The following PRKN variants were observed in gnomAD, a reference collection of about 807,000 sequenced individuals.
PRKN encodes the protein parkin RBR E3 ubiquitin protein ligase.
In PRKN, 56 loss-of-function variants were observed where a neutral mutation model predicts 59.5. That is an observed-to-expected ratio of 0.94 (90% confidence interval 0.76 to 1.18). The LOEUF is 1.18. Among genes scored for constraint, PRKN ranks in the 50% most tolerant of loss-of-function variants. The pLI is 0.00. For synonymous variants in PRKN, 250 were observed against 222.1 expected (o/e 1.13, Z -1.12); for missense variants, 657 against 596.4 (o/e 1.10, Z -1.06).
At chr6:161,479,316 G>A (rs963998233) in intron 9 of PRKN, among the ~76,000 whole-genome samples, 16 of 152,142 alleles carry the variant, frequency 1.1e-4, no homozygotes, top group Non-Finnish European at 1.9e-4. Flanking sequence ...AGTTTAAAAA[G>A]TTTCAAGTGT....
At chr6:162,475,987 G>T (rs62428770) in intron 1 of PRKN, among the ~76,000 whole-genome samples, 81,656 of 149,768 alleles carry the variant, frequency 0.55, 22,633 homozygotes, top group African/African-American at 0.67. Flanking sequence ...CACCTCGTGA[G>T]CCGCCTGCCT....
chr6:161,703,390 C>T (rs1420595429), intron 7 of PRKN, among the ~76,000 whole-genome samples: 1 of 152,182 alleles, frequency 6.6e-6, no homozygotes, highest in African/African-American at 2.4e-5. Context: ...CAATCAACAT[C>T]ACTAGTCATT....
chr6:161,982,310 G>A lies in PRKN; in HGVS notation c.619-8893C>T, dbSNP rs545046843. Among the ~76,000 whole-genome samples the A allele has an allele frequency of 5.0e-4, 63 of 125,184 alleles. 5 individuals carry two copies. Among genetic ancestry groups the A allele is most frequent in the African/African-American group, 2.1e-3 (63 of 30,470 alleles). The allele number at this position is 125,184 out of a possible 152,430, so 82.1% of individuals were successfully genotyped here. A position where few individuals can be genotyped will look rare whatever the true frequency, so the allele number is the denominator to read the frequency against. On this transcript the variant is annotated intron_variant, in intron 5 of 11. Coordinates refer to ENST00000366898, the MANE Select transcript of PRKN (RefSeq NM_004562.3). The stretch of plus-strand genomic sequence containing the variant: ...CTCATGGGTAGGAAGAATCAATATC[G>A]TGAAAATGGCCATACTGCCCAAGGT...
chr6:162,541,527 TA>T (rs1778925421), intron 1 of PRKN, among the ~76,000 whole-genome samples: 1 of 152,164 alleles, frequency 6.6e-6, no homozygotes, highest in African/African-American at 2.4e-5. Flanking sequence ...AGGTGACTGT[TA>T]AAATGAAAAT....
intron 3 of PRKN, among the ~76,000 whole-genome samples, chr6:162,238,058 G>A (rs1447377582): frequency 6.6e-6 from 1 of 152,178 alleles, no homozygotes; most frequent in Non-Finnish European, 1.5e-5. Flanking sequence ...TGAATGAGTT[G>A]TTAATAATTA....
In PRKN at chr6:162,076,043, A is replaced by C. The variant is rs547662000; in HGVS notation, c.535-21869T>G. On this transcript the variant is annotated intron_variant, in intron 4 of 11. Coordinates refer to ENST00000366898, the MANE Select transcript of PRKN (RefSeq NM_004562.3). ...GAGAACAGTGGCATGACCTCGGCTT[A>C]CTGCAACCTTCATCTCCTGGCTTCA... Among the ~76,000 whole-genome samples, 176 of 145,790 alleles carry C rather than the reference A, an allele frequency of 1.2e-3. 2 individuals are homozygous for C. The highest frequency in any genetic ancestry group is 4.5e-3 in the African/African-American group (173 of 38,568).
intron 5 of PRKN, among the ~76,000 whole-genome samples, chr6:162,050,890 C>G (rs149732071): frequency 6.6e-6 from 1 of 152,194 alleles, no homozygotes; most frequent in Admixed American, 6.5e-5. Flanking sequence ...AGCAAGGACT[C>G]GAATCCAGCC....
At chr6:161,965,082 C>G (rs763167966) in intron 6 of PRKN, among the ~76,000 whole-genome samples, 1 of 152,064 alleles carries the variant, frequency 6.6e-6, no homozygotes, top group South Asian at 2.1e-4. Flanking sequence ...AAAATCCAGT[C>G]AAATTATCTT....
chr6:162,372,074 C>T (rs770388036), intron 2 of PRKN, among the ~76,000 whole-genome samples: 11 of 152,186 alleles, frequency 7.2e-5, no homozygotes, highest in East Asian at 1.9e-4. Context: ...GGAGTGGACG[C>T]CATCCTTCTG....
intron 7 of PRKN, among the ~76,000 whole-genome samples, chr6:161,749,103 G>T (rs1046045295): frequency 1.3e-5 from 2 of 152,128 alleles, no homozygotes; most frequent in Non-Finnish European, 2.9e-5. Flanking sequence ...ATTCAGGGCC[G>T]GGAGGCGGGC....
chr6:162,059,488 T>C (rs1025104421), intron 4 of PRKN, among the ~76,000 whole-genome samples: 16 of 152,306 alleles, frequency 1.1e-4, no homozygotes, highest in South Asian at 4.1e-4. Flanking sequence ...TGCCTAATCA[T>C]TGAACACAGT....
intron 7 of PRKN, among the ~76,000 whole-genome samples, chr6:161,772,245 G>A (rs1417939736): frequency 6.6e-6 from 1 of 152,020 alleles, no homozygotes; most frequent in Non-Finnish European, 1.5e-5. Context: ...CACTTAAATT[G>A]TTCTTGACCC....
At chr6:162,075,491 C>A (rs1484384769) in intron 4 of PRKN, among the ~76,000 whole-genome samples, 1 of 152,010 alleles carries the variant, frequency 6.6e-6, no homozygotes, top group East Asian at 1.9e-4. Flanking sequence ...GGGAAAGGTA[C>A]AAATCACATC....
At chr6:161,597,098 C>A (rs938536391) in intron 7 of PRKN, among the ~76,000 whole-genome samples, 5 of 152,188 alleles carry the variant, frequency 3.3e-5, no homozygotes, top group African/African-American at 1.2e-4. Flanking sequence ...GGGCCTCACG[C>A]TTTTCTTCCT....
At chr6:161,741,448 A>C (rs1022493100) in intron 7 of PRKN, among the ~76,000 whole-genome samples, 2 of 152,178 alleles carry the variant, frequency 1.3e-5, no homozygotes, top group African/African-American at 4.8e-5. Context: ...CGGACGGGGA[A>C]TCCGAGGATC....
At position 162,634,005 on chromosome 6, in the gene PRKN, C is replaced by T. The variant is rs570597430; in HGVS notation, c.7+93657G>A. Among the ~76,000 whole-genome samples the T allele has an allele frequency of 1.4e-4, 21 of 152,248 alleles. No individual in the cohort carries two copies. The East Asian group carries it at 3.7e-3, about 27-fold the overall frequency. On this transcript the variant is annotated intron_variant, in intron 1 of 11. Transcript: ENST00000366898. ...CTAAGTACATGAAAAATATACCACA[C>T]GGTCTTGTGTCAACAAAACTAACCA...
rs1040408256 is a variant in PRKN, at chr6:161,551,068, G to A, written c.934-2065C>T. Reference sequence around the variant, plus strand: ...AAGAGTTCGGATGGCAAACAAACTAGAATCTCTGAATTTATGGGGTAAGGT... The same window carrying A: ...AAGAGTTCGGATGGCAAACAAACTAAAATCTCTGAATTTATGGGGTAAGGT... On this transcript the variant is annotated intron_variant, in intron 8 of 11. Coordinates refer to ENST00000366898, the MANE Select transcript of PRKN (RefSeq NM_004562.3). This position sits in a 1 kb window ranked among gnomAD's most constrained non-coding sequence, Gnocchi z 5.2. Among the ~76,000 whole-genome samples the A allele has an allele frequency of 6.6e-6, 1 of 152,152 alleles. No homozygotes were observed. The highest frequency in any genetic ancestry group is 2.4e-5 in the African/African-American group (1 of 41,418).
chr6:161,940,399 A>T (rs1779518649), intron 6 of PRKN, among the ~76,000 whole-genome samples: 1 of 152,234 alleles, frequency 6.6e-6, no homozygotes, highest in Non-Finnish European at 1.5e-5. Flanking sequence ...TGGTGCCAGC[A>T]AGGTGGTGCC....
intron 6 of PRKN, among the ~76,000 whole-genome samples, chr6:161,878,629 A>G (rs1794821416): frequency 6.6e-6 from 1 of 152,176 alleles, no homozygotes. Context: ...ATTCCAAGAT[A>G]GTGACAGCAG....
Sources: gnomAD v4.1 joint callset for allele counts (sites outside exome capture counted in the v4.1 genomes callset) on GRCh38, gnomAD v4.1.1 for gene constraint, Gnocchi (gnomAD v3.1) non-coding constraint, MANE v1.5 for transcripts, NCBI Gene and HGNC (gene_info 2026-07-23, HGNC 2026-07-21) for gene names.